FRK: variants seen among roughly 807,000 people sequenced by gnomAD.
FRK encodes the protein fyn related Src family tyrosine kinase.
A neutral mutation model predicts 56.4 loss-of-function variants in FRK; 51 were observed. The ratio of observed to expected loss-of-function variants is 0.90; its 90% CI spans 0.72 to 1.14. The LOEUF (loss-of-function observed/expected upper bound fraction) is 1.14. Ranked by LOEUF, FRK falls within the 50% of genes most tolerant of loss-of-function variation. FRK has a pLI of 0.00. For synonymous variants in FRK, 245 were observed against 217.9 expected, an observed-to-expected ratio of 1.12 and a Z score of -1.10; for missense variants, 570 against 601.4, an observed-to-expected ratio of 0.95 and a Z score of 0.55.
At chr6:116,028,205 T>A (rs1233081011) in intron 1 of FRK, among the ~76,000 whole-genome samples, 1 of 152,150 alleles carries the variant, frequency 6.6e-6, no homozygotes, top group Non-Finnish European at 1.5e-5. Context: ...CTCAGTACCA[T>A]CAGTATTTTT....
At chr6:116,072,001 C>A in the FRK span, among the ~76,000 whole-genome samples, 6 of 152,114 alleles carry the variant, frequency 3.9e-5, no homozygotes, top group East Asian at 1.9e-4. Context: ...TGCTAGATAT[C>A]AGGCAGGGTA....
the FRK span, among the ~76,000 whole-genome samples, chr6:116,070,654 G>C: frequency 6.6e-6 from 1 of 152,102 alleles, no homozygotes; most frequent in Non-Finnish European, 1.5e-5. Context: ...CCAATTAAAA[G>C]ACATATGTAA....
At chr6:116,085,715 T>TGTGTGTGTGTGTGTGTGC in the FRK span, among the ~76,000 whole-genome samples, 1 of 149,868 alleles carries the variant, frequency 6.7e-6, no homozygotes, top group Non-Finnish European at 1.5e-5. Context: ...TGTGTGTGGG[T>TGTGTGTGTGTGTGTGTGC]GTGTGTGTGT....
At chr6:115,987,596 A>G (rs1287254930) in intron 2 of FRK, among the ~76,000 whole-genome samples, 1 of 152,118 alleles carries the variant, frequency 6.6e-6, no homozygotes, top group East Asian at 1.9e-4. Flanking sequence ...CCAGAGTAAC[A>G]CAACAAATTA....
intron 2 of FRK, among the ~76,000 whole-genome samples, chr6:115,977,278 A>T (rs1372649746): frequency 3.3e-5 from 5 of 152,214 alleles, no homozygotes; most frequent in African/African-American, 1.2e-4. Context: ...ATTTTGAGAG[A>T]AGAAAGTACA....
At chr6:116,048,461 C>T (rs1777059962) in intron 1 of FRK, among the ~76,000 whole-genome samples, 2 of 152,166 alleles carry the variant, frequency 1.3e-5, no homozygotes, top group African/African-American at 2.4e-5. Flanking sequence ...TGCCAGCTCA[C>T]GGTAACCTTG....
intron 1 of FRK, among the ~76,000 whole-genome samples, chr6:116,017,312 T>C (rs1225061361): frequency 6.6e-6 from 1 of 152,182 alleles, no homozygotes; most frequent in Non-Finnish European, 1.5e-5. Context: ...AACCTACTCT[T>C]GTGCCAATCA....
the FRK span, among the ~76,000 whole-genome samples, chr6:116,074,440 T>G: frequency 6.6e-6 from 1 of 152,174 alleles, no homozygotes; most frequent in Non-Finnish European, 1.5e-5. Context: ...TTTATGTAAC[T>G]GATGAAACTA....
At chr6:116,011,975 G>A (rs1052734274) in intron 1 of FRK, among the ~76,000 whole-genome samples, 8 of 151,928 alleles carry the variant, frequency 5.3e-5, no homozygotes, top group Admixed American at 2.6e-4. Flanking sequence ...GGAATGATAA[G>A]GACAAAGAAA....
intron 2 of FRK, among the ~76,000 whole-genome samples, chr6:115,994,338 C>CCCTTTTTT (rs1554230544): frequency 8.7e-5 from 8 of 91,804 alleles, no homozygotes; most frequent in Non-Finnish European, 1.5e-4. Flanking sequence ...CCCCCCCCGC[C>CCCTTTTTT]TTTTTTTTGT....
chr6:116,059,830 A>C, intron 1 of FRK, 138 bp downstream of exon 1: 1 of 722,140 alleles, frequency 1.4e-6, no homozygotes, highest in Middle Eastern at 4.0e-4. Context: ...TGTTTCAATT[A>C]GTGGTTTCTT....
At chr6:116,086,193 C>T in the FRK span, among the ~76,000 whole-genome samples, 3 of 151,936 alleles carry the variant, frequency 2.0e-5, no homozygotes, top group Non-Finnish European at 4.4e-5. Flanking sequence ...TTCCAAATGA[C>T]ATTTTAAAAA....
chr6:115,944,918 C>T (rs1463822790), intron 5 of FRK, among the ~76,000 whole-genome samples: 2 of 152,042 alleles, frequency 1.3e-5, no homozygotes, highest in Non-Finnish European at 2.9e-5. Flanking sequence ...TGTTGTTCCC[C>T]TCTATGTGGG....
intron 1 of FRK, among the ~76,000 whole-genome samples, chr6:116,026,114 C>A (rs1043118692): frequency 3.9e-5 from 6 of 152,144 alleles, no homozygotes; most frequent in Non-Finnish European, 8.8e-5. Context: ...CTAGAGTAAT[C>A]TACCAATAAC....
At chr6:116,078,401 C>T in the FRK span, among the ~76,000 whole-genome samples, 4 of 152,128 alleles carry the variant, frequency 2.6e-5, no homozygotes, top group Admixed American at 2.6e-4. Flanking sequence ...GTCTAACTAG[C>T]CTAGTGTCCA....
At chr6:115,948,286 G>A (rs1295454034) in intron 5 of FRK, among the ~76,000 whole-genome samples, 2 of 152,132 alleles carry the variant, frequency 1.3e-5, no homozygotes, top group Non-Finnish European at 2.9e-5. Context: ...ACACCTGCCA[G>A]GAGTCAAATG....
chr6:115,967,293 A>G (rs973418208), intron 4 of FRK, among the ~76,000 whole-genome samples: 2 of 152,196 alleles, frequency 1.3e-5, no homozygotes, highest in East Asian at 3.8e-4. Context: ...GGAAGACTGA[A>G]TCCTAATTCA....
At chr6:115,979,277 C>T (rs1285593844) in intron 2 of FRK, among the ~76,000 whole-genome samples, 3 of 151,864 alleles carry the variant, frequency 2.0e-5, no homozygotes, top group Non-Finnish European at 4.4e-5. Context: ...TGATCCTGAC[C>T]CTGACTAGTC....
intron 1 of FRK, chr6:116,038,763 C>A: frequency 2.0e-6 from 1 of 489,738 alleles, no homozygotes. Context: ...GCCATGGCGA[C>A]CTCCAGGAAG....
Sources: gnomAD v4.1 joint callset for allele counts (sites outside exome capture counted in the v4.1 genomes callset) on GRCh38, gnomAD v4.1.1 for gene constraint, MANE v1.5 for transcripts, NCBI Gene and HGNC (gene_info 2026-07-23, HGNC 2026-07-21) for gene names.